ANO3: variants seen among roughly 807,000 people sequenced by gnomAD.
ANO3 encodes the protein anoctamin-3.
In ANO3, 99 loss-of-function variants were observed where a neutral mutation model predicts 144.8. The ratio of observed to expected loss-of-function variants is 0.68; its 90% confidence interval spans 0.58 to 0.81. The LOEUF (loss-of-function observed/expected upper bound fraction) is 0.81, where lower values mean the gene tolerates loss of function less well. Among genes scored for constraint, ANO3 ranks in the 30% least tolerant of loss-of-function variants. ANO3 has a pLI of 0.00. For missense variants in ANO3, 905 were observed against 1,202.2 expected, an observed-to-expected ratio of 0.75 and a Z score of 3.66; for synonymous variants, 414 against 392.6, an observed-to-expected ratio of 1.05 and a Z score of -0.64.
intron 18 of ANO3, among the ~76,000 whole-genome samples, chr11:26,627,837 G>A (rs976745568): frequency 7.1e-6 from 1 of 141,216 alleles, no homozygotes; most frequent in Non-Finnish European, 1.5e-5. Flanking sequence ...GTGTGTGTGT[G>A]TGTGTGTGTG....
At chr11:26,393,831 G>T (rs2133965475) in intron 1 of ANO3, among the ~76,000 whole-genome samples, 1 of 152,202 alleles carries the variant, frequency 6.6e-6, no homozygotes, top group South Asian at 2.1e-4. Flanking sequence ...AATAGTTGAT[G>T]CACATACTGC....
rs192490362 is a variant in ANO3 at position 26,312,944 on chromosome 11, T to C, written c.-3+3225T>C. ...AATTAAATATCATGTAAATATACTATTCCATCATTTGCTTTGGAAATTCTG... is the reference window on the plus strand; with the variant it reads ...AATTAAATATCATGTAAATATACTACTCCATCATTTGCTTTGGAAATTCTG... On this transcript the variant is annotated intron_variant, in intron 1 of 26. Transcript: ENST00000525139. Among the ~76,000 whole-genome samples the C allele has an allele frequency of 8.5e-5, 13 of 152,348 alleles. No homozygotes were observed. The East Asian group carries it at 2.5e-3, about 29-fold the overall frequency.
At chr11:26,524,126 T>A (rs187923249) in intron 6 of ANO3, among the ~76,000 whole-genome samples, 3 of 152,320 alleles carry the variant, frequency 2.0e-5, no homozygotes, top group African/African-American at 7.2e-5. Flanking sequence ...TGAAGAGGTA[T>A]GTTACATCAG....
At chr11:26,431,758 A>G (rs1197678863) in intron 1 of ANO3, among the ~76,000 whole-genome samples, 4 of 152,206 alleles carry the variant, frequency 2.6e-5, no homozygotes, top group South Asian at 2.1e-4. Flanking sequence ...GTAGTATTCC[A>G]TAGTGTATAT....
At chr11:26,407,825 C>G (rs1422765862) in intron 1 of ANO3, among the ~76,000 whole-genome samples, 1 of 151,836 alleles carries the variant, frequency 6.6e-6, no homozygotes, top group Non-Finnish European at 1.5e-5. Context: ...TCCCCTACCC[C>G]ACTCCCCTTT....
At chr11:26,542,145 G>A (rs1041217605) in intron 11 of ANO3, 77 bp downstream of exon 11, 9 of 1,486,630 alleles carry the variant, frequency 6.1e-6, no homozygotes, top group Non-Finnish European at 8.1e-6. Context: ...ATTATTTATT[G>A]TGCTCACCAG....
chr11:26,586,252 G>C (rs293991), intron 14 of ANO3, among the ~76,000 whole-genome samples: 132,929 of 151,982 alleles, frequency 0.87, 58,448 homozygotes, highest in East Asian at 0.96. Context: ...CTAAAATATT[G>C]AAATATGTAA....
At chr11:26,262,519 T>C (rs897430704) in intron 1 of ANO3, among the ~76,000 whole-genome samples, 1 of 152,160 alleles carries the variant, frequency 6.6e-6, no homozygotes. Context: ...TTATATTTGC[T>C]TTCCTTGATG....
chr11:26,381,600 A>G (rs1590312056), intron 1 of ANO3, among the ~76,000 whole-genome samples: 1 of 152,366 alleles, frequency 6.6e-6, no homozygotes, highest in African/African-American at 2.4e-5. Context: ...AGCATATAGT[A>G]CAATACCTAT....
intron 6 of ANO3, among the ~76,000 whole-genome samples, chr11:26,519,990 G>C (rs1178456329): frequency 6.6e-6 from 1 of 151,906 alleles, no homozygotes; most frequent in African/African-American, 2.4e-5. Context: ...AAAAAAAATG[G>C]AAGTCAGAGC....
chr11:26,339,334 T>G (rs1212058430), intron 1 of ANO3, among the ~76,000 whole-genome samples: 1 of 152,202 alleles, frequency 6.6e-6, no homozygotes, highest in South Asian at 2.1e-4. Flanking sequence ...TTTGTATTTT[T>G]AGTAGAGATG....
At chr11:26,210,575 G>C (rs11820750) in intron 1 of ANO3, among the ~76,000 whole-genome samples, 49,454 of 152,018 alleles carry the variant, frequency 0.33, 8,430 homozygotes, top group Non-Finnish European at 0.37. Flanking sequence ...ACTTTGGGCA[G>C]TATGGCCATT....
intron 1 of ANO3, among the ~76,000 whole-genome samples, chr11:26,189,985 A>G (rs1308326365): frequency 6.6e-6 from 1 of 152,154 alleles, no homozygotes; most frequent in East Asian, 1.9e-4. Context: ...TGAGGGTCTG[A>G]TTTATAATGA....
chr11:26,480,763 G>A lies in ANO3; in HGVS notation c.432+17615G>A, dbSNP rs540626782. Among the ~76,000 whole-genome samples, 12 of 152,044 alleles carry A rather than the reference G, an allele frequency of 7.9e-5. No homozygotes were observed. The South Asian group carries it at 2.3e-3, about 29-fold the overall frequency. ...GTGGAGTTTGCGGTGAGCTGAGTTCGCTCCACTGCACTCCAGCCTGGGCAA... is the reference window on the plus strand; with the variant it reads ...GTGGAGTTTGCGGTGAGCTGAGTTCACTCCACTGCACTCCAGCCTGGGCAA... On this transcript the variant is annotated intron_variant, in intron 4 of 26. Coordinates refer to ENST00000256737, the MANE Select transcript of ANO3 (RefSeq NM_031418.4).
intron 1 of ANO3, among the ~76,000 whole-genome samples, chr11:26,366,825 GTTTGTT>G (rs1856101489): frequency 7.2e-6 from 1 of 138,332 alleles, no homozygotes; most frequent in African/African-American, 3.0e-5. Flanking sequence ...TGATGGGGTT[GTTTGTT>G]TTTTTCTTGT....
rs146344712 is a variant in ANO3, at chr11:26,643,691, G to C, written c.2428+357G>C. 1.2e-3 allele frequency among the ~76,000 whole-genome samples: 188 copies of C among 151,388 alleles called. 3 individuals carry two copies. In the East Asian group the frequency reaches 0.031, roughly 25 times the overall value. On this transcript the variant is annotated intron_variant, in intron 23 of 26. Transcript: ENST00000256737. ...AATCGTTTGAACACGGGAGGCAGAG[G>C]TTGCAGCCTGGGCAACCAGAGTGAA...
chr11:26,565,622 G>A (rs534399976), intron 14 of ANO3: 1 of 1,612,528 alleles, frequency 6.2e-7, no homozygotes, highest in African/African-American at 1.3e-5. Context: ...CGTGGCTGTT[G>A]TTGGGTAGAT....
chr11:26,418,324 CAG>C (rs1590342836), intron 1 of ANO3, among the ~76,000 whole-genome samples: 1 of 152,024 alleles, frequency 6.6e-6, no homozygotes, highest in Non-Finnish European at 1.5e-5. Context: ...TTACCAATAA[CAG>C]AGTGTGGCTG....
chr11:26,499,622 GT>G (rs1427760994), intron 4 of ANO3, among the ~76,000 whole-genome samples: 1 of 151,128 alleles, frequency 6.6e-6, no homozygotes, highest in Admixed American at 6.6e-5. Flanking sequence ...TTTCTATTCT[GT>G]TTCTATTTCT....
Sources: gnomAD v4.1 joint callset for allele counts (sites outside exome capture counted in the v4.1 genomes callset) on GRCh38, gnomAD v4.1.1 for gene constraint, MANE v1.5 for transcripts, NCBI Gene and HGNC (gene_info 2026-07-23, HGNC 2026-07-21) for gene names.